Variants in MYO10 observed in about 807,000 individuals in gnomAD.
The protein encoded by MYO10 is myosin X, also known as unconventional myosin-X.
MYO10 carries 133 observed loss-of-function variants against 257.3 expected under a neutral mutation model. The ratio of observed to expected loss-of-function variants is 0.52; its 90% CI spans 0.45 to 0.60. The LOEUF (loss-of-function observed/expected upper bound fraction) is 0.60, where lower values mean the gene tolerates loss of function less well. Ranked by LOEUF, MYO10 falls within the 20% of genes least tolerant of loss-of-function variation. MYO10 has a pLI of 0.00. For missense variants in MYO10, 2,399 were observed against 2,635.7 expected (o/e 0.91, Z 1.97); for synonymous variants, 1,104 against 1,028.6 (o/e 1.07, Z -1.40).
rs150835140 is a variant in MYO10 at position 16,681,844 on chromosome 5, G to A, written c.4189+27C>T. The A allele has an allele frequency of 7.4e-6, 12 of 1,610,792 alleles. No homozygotes were observed. In the East Asian group the frequency reaches 2.7e-4, roughly 36 times the overall value. ...AATGGAAAGGGGAGTCTGTTAAGCAGACCGAGGAAGCAGGGCAGGCAGTCA... is the reference window on the plus strand; with the variant it reads ...AATGGAAAGGGGAGTCTGTTAAGCAAACCGAGGAAGCAGGGCAGGCAGTCA... On this transcript the variant is annotated intron_variant, in intron 31 of 40. Coordinates refer to ENST00000513610, the MANE Select transcript of MYO10 (RefSeq NM_012334.3).
At chr5:16,904,326 G>T (rs1017266230) in intron 1 of MYO10, among the ~76,000 whole-genome samples, 1 of 152,126 alleles carries the variant, frequency 6.6e-6, no homozygotes, top group Admixed American at 6.5e-5. Flanking sequence ...GCCAGTAAAC[G>T]TAAGCCAGTG....
rs1013224624 is a variant in MYO10, at chr5:16,773,497, TA to T, written c.931-4295del. ...GGCAACATAGCAAGAACCCCATTTC[TA>T]AAAAAAATTAAAAATTCGCCTAGTG... is the stretch of plus-strand genomic sequence containing the variant. On this transcript the variant is annotated intron_variant, in intron 9 of 40. Coordinates refer to ENST00000513610, the MANE Select transcript of MYO10 (RefSeq NM_012334.3). 3.3e-5 allele frequency among the ~76,000 whole-genome samples: 5 copies of T among 151,678 alleles called. 1 individual carries two copies. Among genetic ancestry groups the T allele is most frequent in the Admixed American group, 1.3e-4 (2 of 15,154 alleles).
intron 21 of MYO10, among the ~76,000 whole-genome samples, chr5:16,710,153 C>T (rs1435395821): frequency 1.3e-5 from 2 of 152,184 alleles, no homozygotes; most frequent in Admixed American, 6.5e-5. Context: ...TGAGGATTCA[C>T]TCTTCGAGGA....
intron 28 of MYO10, among the ~76,000 whole-genome samples, chr5:16,688,266 C>A (rs1362656494): frequency 6.6e-6 from 1 of 152,046 alleles, no homozygotes; most frequent in Non-Finnish European, 1.5e-5. Context: ...TAGTTTGTTC[C>A]CATGGGAAGA....
intron 2 of MYO10, among the ~76,000 whole-genome samples, chr5:16,854,884 T>A (rs1177320693): frequency 1.3e-5 from 2 of 151,872 alleles, no homozygotes; most frequent in Non-Finnish European, 2.9e-5. Context: ...ATACAAAAAT[T>A]AGCCGGGCGT....
At chr5:16,819,885 T>C (rs963436751) in intron 2 of MYO10, among the ~76,000 whole-genome samples, 2 of 152,204 alleles carry the variant, frequency 1.3e-5, no homozygotes, top group African/African-American at 2.4e-5. Context: ...CCACTAGAGT[T>C]GGTCAAGCCA....
At chr5:16,835,492 G>GGTTTTTTTTTTTT in intron 2 of MYO10, among the ~76,000 whole-genome samples, 1 of 81,060 alleles carries the variant, frequency 1.2e-5, no homozygotes, top group Non-Finnish European at 2.3e-5. Context: ...ATTTTTGGCT[G>GGTTTTTTTTTTTT]TTTTTTTTTT....
intron 19 of MYO10, among the ~76,000 whole-genome samples, chr5:16,721,508 AT>A (rs768436047): frequency 2.0e-5 from 3 of 152,128 alleles, no homozygotes; most frequent in Non-Finnish European, 4.4e-5. Context: ...TAATTTTCAC[AT>A]TTTTAGAAAA....
chr5:16,924,422 C>A (rs2625177), intron 1 of MYO10, among the ~76,000 whole-genome samples: 70,424 of 151,904 alleles, frequency 0.46, 16,790 homozygotes, highest in African/African-American at 0.57. Context: ...ATGACAGGGT[C>A]TCTCAGCTGC....
At chr5:16,853,808 G>T (rs538924994) in intron 2 of MYO10, among the ~76,000 whole-genome samples, 2 of 152,250 alleles carry the variant, frequency 1.3e-5, no homozygotes, top group African/African-American at 4.8e-5. Context: ...CTACGTAAGT[G>T]TGTTCATCAA....
intron 18 of MYO10, among the ~76,000 whole-genome samples, chr5:16,756,429 G>A (rs1318506823): frequency 6.6e-6 from 1 of 152,016 alleles, no homozygotes; most frequent in Non-Finnish European, 1.5e-5. Flanking sequence ...CATTGTAATT[G>A]GTGGATGCAT....
In MYO10 at chr5:16,673,792, G is replaced by A. The variant is rs1290100945; in HGVS notation, c.5062C>T (p.Arg1688Ter). 1.9e-6 allele frequency: 3 copies of A among 1,613,804 alleles called. No homozygotes were observed. The highest frequency in any genetic ancestry group is 1.7e-6 in the Non-Finnish European group (2 of 1,179,904). The change falls in exon 36 of 41, where the codon CGA becomes TGA. Residue 1688 changes from arginine to a stop codon, truncating the protein, a stop_gained. Transcript: ENST00000513610. LOFTEE classifies it high-confidence loss of function. Reference sequence around the variant, plus strand: ...TGGATCAGAGCTTCTATTTCATCTCGGGAAGGCACAAACTCTCGGCATTTG... The same window carrying A: ...TGGATCAGAGCTTCTATTTCATCTCAGGAAGGCACAAACTCTCGGCATTTG... Reference protein sequence around the residue: ...KTKCREFVPSRDEIEALIHRQ... With the variant: ...KTKCREFVPS
At chr5:16,930,651 T>C in intron 1 of MYO10, among the ~76,000 whole-genome samples, 1 of 152,208 alleles carries the variant, frequency 6.6e-6, no homozygotes, top group East Asian at 1.9e-4. Context: ...CCTTTGTTAT[T>C]ACTCACCTAC....
At chr5:16,800,390 T>A (rs1018643923) in intron 3 of MYO10, among the ~76,000 whole-genome samples, 2 of 152,338 alleles carry the variant, frequency 1.3e-5, no homozygotes, top group South Asian at 4.1e-4. Flanking sequence ...AGACCCCATC[T>A]CTACTTAAAA....
chr5:16,883,205 G>A (rs987873173), intron 1 of MYO10, among the ~76,000 whole-genome samples: 3 of 152,088 alleles, frequency 2.0e-5, no homozygotes, highest in South Asian at 2.1e-4. Flanking sequence ...GTGAGCCACC[G>A]CGCCCGGCCA....
chr5:16,723,180 C>T (rs185992618), intron 19 of MYO10, among the ~76,000 whole-genome samples: 24 of 151,920 alleles, frequency 1.6e-4, no homozygotes, highest in African/African-American at 5.3e-4. Flanking sequence ...GTCAGGAGAT[C>T]GAGACCATCC....
At chr5:16,811,618 C>A (rs1742442987) in intron 3 of MYO10, among the ~76,000 whole-genome samples, 1 of 152,120 alleles carries the variant, frequency 6.6e-6, no homozygotes, top group Non-Finnish European at 1.5e-5. Flanking sequence ...GACACAATCT[C>A]GGCTCACTGC....
chr5:16,708,121 C>T (rs549588733), intron 21 of MYO10, among the ~76,000 whole-genome samples: 1 of 152,342 alleles, frequency 6.6e-6, no homozygotes, highest in East Asian at 1.9e-4. Flanking sequence ...GCATTTACTT[C>T]CTAACATGTC....
intron 4 of MYO10, among the ~76,000 whole-genome samples, chr5:16,789,469 G>A (rs1467071414): frequency 6.6e-6 from 1 of 152,148 alleles, no homozygotes; most frequent in Non-Finnish European, 1.5e-5. Flanking sequence ...AAGCCCTTTT[G>A]TTTGGAAGCT....
Sources: gnomAD v4.1 joint callset for allele counts (sites outside exome capture counted in the v4.1 genomes callset) on GRCh38, gnomAD v4.1.1 for gene constraint, MANE v1.5 for transcripts, NCBI Gene and HGNC (gene_info 2026-07-23, HGNC 2026-07-21) for gene names.